Variants in ANO1 observed in about 807,000 individuals in gnomAD.
ANO1 encodes the protein anoctamin 1, also known as anoctamin-1.
ANO1 carries 59 observed loss-of-function variants against 124.0 expected under a neutral mutation model. The observed-to-expected ratio is 0.48, with a 90% confidence interval of 0.39 to 0.59. The LOEUF is 0.59. Ranked by LOEUF, ANO1 falls within the 20% of genes least tolerant of loss-of-function variation. The pLI is 0.00. For synonymous variants in ANO1, 529 were observed against 532.0 expected (o/e 0.99, Z 0.08); for missense variants, 1,059 against 1,328.0 (o/e 0.80, Z 3.15).
At chr11:70,105,843 C>A in intron 5 of ANO1, 55 bp downstream of exon 5, 1 of 1,554,672 alleles carries the variant, frequency 6.4e-7, no homozygotes, top group African/African-American at 1.4e-5. Flanking sequence ...CCTGGGGATC[C>A]AGATGATAAT....
At chr11:70,067,810 A>T (rs1470138547) in intron 1 of ANO1, among the ~76,000 whole-genome samples, 1 of 152,040 alleles carries the variant, frequency 6.6e-6, no homozygotes, top group Non-Finnish European at 1.5e-5. Context: ...CCTAGTTACC[A>T]GTGACCGTTT....
chr11:70,052,993 T>A (rs560705943), intron 1 of ANO1, among the ~76,000 whole-genome samples: 46 of 152,362 alleles, frequency 3.0e-4, no homozygotes, highest in Non-Finnish European at 5.1e-4. Flanking sequence ...TCTTTTTTGT[T>A]TGTTCTTATG....
chr11:69,998,968 T>C (rs1427141755), intron 1 of ANO1, among the ~76,000 whole-genome samples: 1 of 149,142 alleles, frequency 6.7e-6, no homozygotes, highest in Non-Finnish European at 1.5e-5. Context: ...AAGGAATACC[T>C]GAGCCTGGTG....
At chr11:70,017,607 C>T (rs1199449806) in intron 1 of ANO1, among the ~76,000 whole-genome samples, 1 of 151,846 alleles carries the variant, frequency 6.6e-6, no homozygotes, top group Non-Finnish European at 1.5e-5. Context: ...CCTTGACTCC[C>T]AAGCTCAAGG....
At chr11:70,109,679 C>T (rs1006034028) in intron 6 of ANO1, among the ~76,000 whole-genome samples, 4 of 152,190 alleles carry the variant, frequency 2.6e-5, no homozygotes, top group African/African-American at 9.7e-5. Context: ...GTCCCAGGGC[C>T]GGGTCTTGGA....
intron 1 of ANO1, among the ~76,000 whole-genome samples, chr11:70,032,545 T>C: frequency 1.6e-5 from 2 of 122,592 alleles, no homozygotes; most frequent in Non-Finnish European, 3.5e-5. Context: ...AGGGGGGGGG[T>C]CTCTGAAGGG....
At chr11:70,016,633 G>A (rs533867995) in intron 1 of ANO1, among the ~76,000 whole-genome samples, 1 of 152,340 alleles carries the variant, frequency 6.6e-6, no homozygotes, top group South Asian at 2.1e-4. Flanking sequence ...GCTCCTGGGA[G>A]CGCGGGGCAT....
intron 1 of ANO1, among the ~76,000 whole-genome samples, chr11:70,007,662 G>A (rs1555000318): frequency 6.6e-6 from 1 of 152,218 alleles, no homozygotes; most frequent in Non-Finnish European, 1.5e-5. Flanking sequence ...CTGATGACTA[G>A]TTAGGTTGTT....
In ANO1 at chr11:70,103,850, G is replaced by A; in HGVS notation, c.541-149G>A. The A allele has an allele frequency of 3.9e-6, 3 of 761,886 alleles. No homozygotes were observed. The South Asian group carries it at 7.1e-5, about 18-fold the overall frequency. The allele number at this position is 761,886 out of a possible 1,614,324, so 47.2% of individuals were successfully genotyped here. A position where few individuals can be genotyped will look rare whatever the true frequency, so the allele number is the denominator to read the frequency against. ...GGCTTTCATGGCGTGGGCGGGGTGG[G>A]GCGGTGCATTCTGGCCCACCCAGGT... On this transcript the variant is annotated intron_variant, in intron 3 of 25. Coordinates refer to ENST00000355303, the MANE Select transcript of ANO1 (RefSeq NM_018043.7).
intron 6 of ANO1, among the ~76,000 whole-genome samples, chr11:70,109,475 G>A (rs1379007777): frequency 6.6e-6 from 1 of 152,202 alleles, no homozygotes; most frequent in Non-Finnish European, 1.5e-5. Context: ...GGAGTGTGGA[G>A]GAGTCCCATC....
At chr11:70,176,282 G>C (rs879688373) in intron 22 of ANO1, among the ~76,000 whole-genome samples, 2 of 151,798 alleles carry the variant, frequency 1.3e-5, no homozygotes, top group Non-Finnish European at 2.9e-5. Context: ...TGAGTAGCTG[G>C]GATTGCAGGT....
intron 1 of ANO1, among the ~76,000 whole-genome samples, chr11:70,047,092 A>AAAAAAG (rs1565168193): frequency 4.0e-4 from 58 of 146,092 alleles, no homozygotes; most frequent in East Asian, 6.0e-4. Context: ...AAAAAAAAAA[A>AAAAAAG]AAAAAGAAAA....
At chr11:70,149,118 C>G (rs369639434) in intron 11 of ANO1, among the ~76,000 whole-genome samples, 1 of 152,186 alleles carries the variant, frequency 6.6e-6, no homozygotes, top group African/African-American at 2.4e-5. Context: ...CCGGGGCCCC[C>G]GAGAGCAATG....
intron 22 of ANO1, 106 bp downstream of exon 22, chr11:70,171,145 T>C: frequency 7.1e-7 from 1 of 1,416,792 alleles, no homozygotes; most frequent in Non-Finnish European, 9.5e-7. Context: ...CAGGTGTCCC[T>C]CCTGGGGCTC....
chr11:70,185,150 G>T (rs2049063511), intron 24 of ANO1, among the ~76,000 whole-genome samples: 2 of 152,300 alleles, frequency 1.3e-5, no homozygotes, highest in South Asian at 4.1e-4. Flanking sequence ...GGTTCAGGAG[G>T]TTCAAGCTTA....
chr11:70,059,715 A>G (rs10897647), intron 1 of ANO1, among the ~76,000 whole-genome samples: 94,225 of 151,910 alleles, frequency 0.62, 29,854 homozygotes, highest in East Asian at 0.91. Flanking sequence ...GGAGGTGGGT[A>G]AGCCAGAGGC....
chr11:70,122,075 GTC>G (rs370051442), intron 8 of ANO1, among the ~76,000 whole-genome samples: 3 of 66,862 alleles, frequency 4.5e-5, no homozygotes, highest in Non-Finnish European at 5.7e-5. Flanking sequence ...ATCTGCCTCT[GTC>G]TCTCTCTCTC....
At chr11:70,085,267 G>A in intron 1 of ANO1, 3 of 956,246 alleles carry the variant, frequency 3.1e-6, no homozygotes, top group Admixed American at 6.1e-5. Flanking sequence ...GTCCTTCATG[G>A]GGCTGGGCAT....
chr11:69,975,172 G>A, the ANO1 span, among the ~76,000 whole-genome samples: 8 of 152,164 alleles, frequency 5.3e-5, no homozygotes, highest in African/African-American at 1.4e-4. Context: ...AGGTGCACCC[G>A]ACAGGCCAAG....
Sources: allele counts gnomAD v4.1 joint callset (sites outside exome capture counted in the v4.1 genomes callset), GRCh38; gene constraint gnomAD v4.1.1; transcripts MANE v1.5; gene names NCBI Gene and HGNC (gene_info 2026-07-23, HGNC 2026-07-21).